OSBPL10: variants seen among roughly 807,000 people sequenced by gnomAD.
OSBPL10 encodes the protein oxysterol binding protein like 10.
OSBPL10 carries 49 observed loss-of-function variants against 81.7 expected under a neutral mutation model. That is an observed-to-expected ratio of 0.60 (90% CI 0.48 to 0.76). The LOEUF (loss-of-function observed/expected upper bound fraction) is 0.76, where lower values mean the gene tolerates loss of function less well. OSBPL10 is among the 30% of genes least tolerant of loss of function. The pLI is 0.00. For missense variants in OSBPL10, 923 were observed against 987.8 expected, an observed-to-expected ratio of 0.93 and a Z score of 0.88; for synonymous variants, 419 against 383.6, an observed-to-expected ratio of 1.09 and a Z score of -1.08.
chr3:31,943,101 C>G (rs967435566), intron 1 of OSBPL10, among the ~76,000 whole-genome samples: 1 of 152,168 alleles, frequency 6.6e-6, no homozygotes, highest in African/African-American at 2.4e-5. Flanking sequence ...GGGAAGCATA[C>G]AATATTTGTC....
chr3:31,939,096 C>G lies in OSBPL10; in HGVS notation c.281+41803G>C, dbSNP rs896122001. 7.3e-5 allele frequency among the ~76,000 whole-genome samples: 11 copies of G among 151,646 alleles called. No homozygotes were observed. The South Asian group carries it at 1.2e-3, about 17-fold the overall frequency. On this transcript the variant is annotated intron_variant, in intron 1 of 11. Transcript: ENST00000396556. ...TACTACATTAATGCTCTCTTATGCT[C>G]TCACACTTCCCTCTCTTTTCAGTTT... is the stretch of plus-strand genomic sequence containing the variant.
chr3:31,932,530 C>G (rs142699222), intron 1 of OSBPL10, among the ~76,000 whole-genome samples: 2 of 152,264 alleles, frequency 1.3e-5, no homozygotes, highest in East Asian at 3.9e-4. Flanking sequence ...ACCTTGTCTC[C>G]ACAAACCCAC....
chr3:31,876,307 G>C, intron 3 of OSBPL10, 126 bp downstream of exon 3: 1 of 734,422 alleles, frequency 1.4e-6, no homozygotes, highest in Non-Finnish European at 2.3e-6. Context: ...AGGACAAGTA[G>C]GAATTCCACT....
intron 1 of OSBPL10, among the ~76,000 whole-genome samples, chr3:31,960,884 A>T (rs980727651): frequency 4.6e-5 from 7 of 152,106 alleles, no homozygotes; most frequent in African/African-American, 7.2e-5. Context: ...TTCCTCCTTT[A>T]AAAGGGAAAA....
chr3:31,686,260 C>G (rs1700790529), intron 7 of OSBPL10, among the ~76,000 whole-genome samples: 1 of 152,166 alleles, frequency 6.6e-6, no homozygotes. Context: ...CATTCTGTCA[C>G]AGCAACACTA....
At chr3:31,965,437 A>ATT (rs1477459521) in intron 1 of OSBPL10, among the ~76,000 whole-genome samples, 1 of 80,944 alleles carries the variant, frequency 1.2e-5, no homozygotes, top group Non-Finnish European at 1.9e-5. Flanking sequence ...ATAATATATA[A>ATT]TATATATTAT....
intron 1 of OSBPL10, among the ~76,000 whole-genome samples, chr3:31,891,091 A>C (rs1377542908): frequency 2.6e-5 from 4 of 152,114 alleles, no homozygotes; most frequent in African/African-American, 4.8e-5. Flanking sequence ...TTCCCTAAAC[A>C]TCAACTAAGT....
chr3:31,703,096 C>T (rs1695950851), intron 6 of OSBPL10, among the ~76,000 whole-genome samples: 1 of 152,200 alleles, frequency 6.6e-6, no homozygotes, highest in African/African-American at 2.4e-5. Flanking sequence ...CTTTATGATA[C>T]TACTGGGATT....
At position 31,988,404 on chromosome 3, in the gene OSBPL10, T is replaced by TA. The variant is rs1339622008; in HGVS notation, n.298+58086dup. On this transcript the variant is annotated intron_variant and non_coding_transcript_variant, in intron 2 of 3. Transcript: ENST00000479173. ...GTGTGTTGTACATGTGGGAGGAATA[T>TA]AAAAAAATTTGTGGCCAGAGGGTAG... Among the ~76,000 whole-genome samples, 16 of 152,142 alleles carry TA rather than the reference T, an allele frequency of 1.1e-4. No homozygotes were observed. The East Asian group carries it at 2.9e-3, about 28-fold the overall frequency.
intron 1 of OSBPL10, among the ~76,000 whole-genome samples, chr3:31,916,924 C>G (rs1264776715): frequency 6.6e-6 from 1 of 152,176 alleles, no homozygotes; most frequent in African/African-American, 2.4e-5. Context: ...TAAGCCGGGA[C>G]TCCTATTAAG....
intron 1 of OSBPL10, among the ~76,000 whole-genome samples, chr3:31,917,883 C>T (rs1409157573): frequency 6.6e-6 from 1 of 151,676 alleles, no homozygotes; most frequent in Non-Finnish European, 1.5e-5. Flanking sequence ...TGTGTGATTA[C>T]AGTTTAAAAC....
At chr3:31,947,603 T>C (rs1697739881) in intron 1 of OSBPL10, among the ~76,000 whole-genome samples, 1 of 152,078 alleles carries the variant, frequency 6.6e-6, no homozygotes, top group African/African-American at 2.4e-5. Context: ...AGGCAGGGCA[T>C]GGGGTTGGGA....
At chr3:32,056,545 C>T (rs1033955242) in intron 1 of OSBPL10, among the ~76,000 whole-genome samples, 1 of 152,220 alleles carries the variant, frequency 6.6e-6, no homozygotes, top group African/African-American at 2.4e-5. Context: ...TTCCAGATGT[C>T]ACCTTTGGTC....
At chr3:31,996,843 G>A (rs996894126) in intron 2 of OSBPL10, among the ~76,000 whole-genome samples, 1 of 152,158 alleles carries the variant, frequency 6.6e-6, no homozygotes, top group Non-Finnish European at 1.5e-5. Context: ...TCTTTGGACA[G>A]GTAGGAAGTT....
rs1158949744 is a variant in OSBPL10, at chr3:31,796,818, T to C, written c.729+33222A>G. On this transcript the variant is annotated intron_variant, in intron 4 of 11. Coordinates refer to ENST00000396556, the MANE Select transcript of OSBPL10 (RefSeq NM_017784.5). Reference sequence around the variant, plus strand: ...CCCAATGAGGGCTTTTACCTTAGGCTTCCCCACACAGGAAGTGTCAACTTC... The same window carrying C: ...CCCAATGAGGGCTTTTACCTTAGGCCTCCCCACACAGGAAGTGTCAACTTC... Among the ~76,000 whole-genome samples the C allele has an allele frequency of 2.0e-5, 3 of 152,202 alleles. No individual in the cohort carries two copies. In the East Asian group the frequency reaches 5.8e-4, roughly 29 times the overall value.
intron 3 of OSBPL10, among the ~76,000 whole-genome samples, chr3:31,855,922 G>C (rs1700899723): frequency 6.6e-6 from 1 of 151,898 alleles, no homozygotes; most frequent in Admixed American, 6.6e-5. Context: ...AGCAACTCAA[G>C]TATTGTAGAA....
chr3:31,959,306 T>C (rs1228622523), intron 1 of OSBPL10, among the ~76,000 whole-genome samples: 1 of 152,196 alleles, frequency 6.6e-6, no homozygotes, highest in African/African-American at 2.4e-5. Context: ...TATCTACTGA[T>C]AGATCAGAAG....
rs548989453 is a variant in OSBPL10, at chr3:31,746,812, G to A, written c.940+1098C>T. Among the ~76,000 whole-genome samples the A allele has an allele frequency of 3.8e-4, 57 of 149,722 alleles. 1 individual carries two copies. In the South Asian group the frequency reaches 8.6e-3, roughly 23 times the overall value. ...CACAGGAAGGGGAACATCACACTCC[G>A]GGGACTGTTGTGGGGTGGGGGGGAG... On this transcript the variant is annotated intron_variant, in intron 5 of 11. Transcript: ENST00000396556.
chr3:31,792,738 A>AGT (rs1491324366), intron 4 of OSBPL10, among the ~76,000 whole-genome samples: 1 of 104,890 alleles, frequency 9.5e-6, no homozygotes, highest in Non-Finnish European at 1.9e-5. Flanking sequence ...ATCCAGACAC[A>AGT]GAGTGTGTGT....
Sources: gnomAD v4.1 joint callset for allele counts (sites outside exome capture counted in the v4.1 genomes callset) on GRCh38, gnomAD v4.1.1 for gene constraint, MANE v1.5 for transcripts, NCBI Gene and HGNC (gene_info 2026-07-23, HGNC 2026-07-21) for gene names.